Variants in NBEA observed in about 807,000 individuals in gnomAD.
The protein encoded by NBEA is neurobeachin, also known as lysosomal-trafficking regulator 2.
A neutral mutation model predicts 343.4 loss-of-function variants in NBEA; 44 were observed. The ratio of observed to expected loss-of-function variants is 0.13; its 90% CI spans 0.10 to 0.16. The LOEUF (loss-of-function observed/expected upper bound fraction) is 0.16. Among genes scored for constraint, NBEA ranks in the 10% least tolerant of loss-of-function variants. The pLI, the probability that NBEA is intolerant of heterozygous loss-of-function variation, is 1.00. For synonymous variants in NBEA, 1,175 were observed against 1,238.7 expected, an observed-to-expected ratio of 0.95 and a Z score of 1.08; for missense variants, 2,555 against 3,631.3, an observed-to-expected ratio of 0.70 and a Z score of 7.62.
intron 31 of NBEA, among the ~76,000 whole-genome samples, chr13:35,198,348 T>C (rs1171227415): frequency 6.6e-6 from 1 of 152,148 alleles, no homozygotes; most frequent in Non-Finnish European, 1.5e-5. Flanking sequence ...TCTTTAAATG[T>C]TGGTAAAATA....
chr13:35,593,544 C>T (rs756396972), intron 47 of NBEA, 97 bp downstream of exon 47: 8 of 819,572 alleles, frequency 9.8e-6, no homozygotes, highest in African/African-American at 1.8e-5. Flanking sequence ...TATATTGCAG[C>T]TTTGTTCCAT....
chr13:35,093,414 A>T (rs1348681458), intron 10 of NBEA, among the ~76,000 whole-genome samples: 3 of 151,698 alleles, frequency 2.0e-5, no homozygotes, highest in Non-Finnish European at 4.4e-5. Context: ...AAGCCTAAGT[A>T]TTAAAGAATT....
intron 38 of NBEA, among the ~76,000 whole-genome samples, chr13:35,382,612 T>C (rs4144232): frequency 0.7 from 105,891 of 151,974 alleles, 39,199 homozygotes; most frequent in Non-Finnish European, 0.81. Flanking sequence ...AGGGAGTGAA[T>C]TGTTATCATT....
intron 41 of NBEA, among the ~76,000 whole-genome samples, chr13:35,484,234 ATGTGTGTGTGTGTGTG>A (rs397851790): frequency 8.0e-6 from 1 of 124,796 alleles, no homozygotes; most frequent in East Asian, 2.4e-4. Flanking sequence ...CTACATTAAT[ATGTGTGTGTGTGTGTG>A]TGTGTGTGTG....
Position 35,436,253 on chromosome 13 carries a change from C to T in NBEA, c.6304+3860C>T, listed in dbSNP as rs573186247. On this transcript the variant is annotated intron_variant, in intron 39 of 58. Coordinates refer to ENST00000379939, the MANE Select transcript of NBEA (RefSeq NM_001385012.1). ...TGAAGTCTGGCATTGTATAGACTAA[C>T]ATCCAAATGACTTAATGTTTTGGAG... Among the ~76,000 whole-genome samples, 391 of 152,242 alleles carry T rather than the reference C, an allele frequency of 2.6e-3. 2 individuals are homozygous for T. Among genetic ancestry groups the T allele is most frequent in the Non-Finnish European group, 3.8e-3 (261 of 68,008 alleles).
At chr13:34,960,344 A>C (rs1367427846) in intron 1 of NBEA, among the ~76,000 whole-genome samples, 1 of 152,182 alleles carries the variant, frequency 6.6e-6, no homozygotes, top group African/African-American at 2.4e-5. Context: ...AAAAGTTAAA[A>C]AAATGAAAGT....
chr13:35,405,636 G>A (rs374250392), intron 38 of NBEA, among the ~76,000 whole-genome samples: 46 of 152,158 alleles, frequency 3.0e-4, no homozygotes, highest in African/African-American at 9.6e-4. Context: ...TGTGATAGAC[G>A]TAGTTTCAAA....
chr13:35,240,059 G>C (rs1168815486), intron 34 of NBEA, among the ~76,000 whole-genome samples: 2 of 148,590 alleles, frequency 1.3e-5, no homozygotes, highest in Non-Finnish European at 3.0e-5. Flanking sequence ...GGCAAAAATC[G>C]CAATTACTTT....
intron 36 of NBEA, among the ~76,000 whole-genome samples, chr13:35,330,636 A>G (rs1245992863): frequency 1.3e-5 from 2 of 152,036 alleles, no homozygotes; most frequent in African/African-American, 4.8e-5. Context: ...CACCCAATCA[A>G]AATGATAGTT....
At chr13:35,092,603 G>A (rs746698154) in intron 10 of NBEA, among the ~76,000 whole-genome samples, 5 of 151,944 alleles carry the variant, frequency 3.3e-5, no homozygotes, top group Non-Finnish European at 7.4e-5. Flanking sequence ...AATAGTTCAT[G>A]AAAAGATACT....
intron 1 of NBEA, among the ~76,000 whole-genome samples, chr13:34,973,905 A>G (rs1286819194): frequency 2.0e-5 from 3 of 152,172 alleles, no homozygotes; most frequent in Non-Finnish European, 4.4e-5. Context: ...ACCCAGAGCC[A>G]GAGTCTGTAA....
At chr13:35,067,376 G>C (rs572009188) in intron 8 of NBEA, among the ~76,000 whole-genome samples, 1 of 151,222 alleles carries the variant, frequency 6.6e-6, no homozygotes, top group Admixed American at 6.6e-5. Context: ...CTACTTATTT[G>C]AGTGTAATTA....
intron 36 of NBEA, among the ~76,000 whole-genome samples, chr13:35,310,840 G>T (rs1181030424): frequency 6.6e-6 from 1 of 152,020 alleles, no homozygotes; most frequent in East Asian, 1.9e-4. Context: ...TTCAAGTAGG[G>T]GAGTCATGAA....
At chr13:35,318,923 G>A (rs536478455) in intron 36 of NBEA, among the ~76,000 whole-genome samples, 29 of 152,198 alleles carry the variant, frequency 1.9e-4, no homozygotes, top group South Asian at 2.1e-4. Context: ...ATGGTAGTTC[G>A]TATTTCTGTG....
intron 38 of NBEA, among the ~76,000 whole-genome samples, chr13:35,400,848 A>G (rs527495178): frequency 1.6e-4 from 24 of 151,264 alleles, no homozygotes; most frequent in African/African-American, 5.6e-4. Context: ...TCACTGATAA[A>G]CCTTTTTTTT....
intron 41 of NBEA, chr13:35,476,548 C>A: frequency 1.7e-6 from 1 of 594,266 alleles, no homozygotes; most frequent in Non-Finnish European, 3.0e-6. Flanking sequence ...AAAATAAGCA[C>A]CCCTTTCCGT....
chr13:35,624,247 A>G (rs1452165780), intron 48 of NBEA, among the ~76,000 whole-genome samples: 2 of 152,170 alleles, frequency 1.3e-5, no homozygotes, highest in African/African-American at 2.4e-5. Context: ...AAACACAATC[A>G]ACTTCTAGAA....
At chr13:35,219,243 A>G (rs2074232120) in intron 33 of NBEA, among the ~76,000 whole-genome samples, 1 of 151,966 alleles carries the variant, frequency 6.6e-6, no homozygotes. Context: ...TTTTCTTGAT[A>G]AGCTCTGGCA....
intron 41 of NBEA, among the ~76,000 whole-genome samples, chr13:35,544,185 G>A (rs537088930): frequency 1.1e-4 from 17 of 152,150 alleles, no homozygotes; most frequent in African/African-American, 2.4e-4. Flanking sequence ...GATTGAACGC[G>A]ACAACCTTAG....
Sources: gnomAD v4.1 joint callset for allele counts (sites outside exome capture counted in the v4.1 genomes callset) on GRCh38, gnomAD v4.1.1 for gene constraint, MANE v1.5 for transcripts, NCBI Gene and HGNC (gene_info 2026-07-23, HGNC 2026-07-21) for gene names.